The following DGKI variants were observed in gnomAD, a reference collection of about 807,000 sequenced individuals.
DGKI encodes diacylglycerol kinase iota.
In DGKI, 55 loss-of-function variants were observed where a neutral mutation model predicts 147.5. The observed-to-expected ratio is 0.37, with a 90% CI of 0.30 to 0.47. DGKI has a LOEUF of 0.47. Ranked by LOEUF, DGKI falls within the 20% of genes least tolerant of loss-of-function variation. DGKI has a pLI of 1.00. For missense variants in DGKI, 1,007 were observed against 1,323.8 expected (o/e 0.76, Z 3.71); for synonymous variants, 469 against 477.1 (o/e 0.98, Z 0.22).
intron 12 of DGKI, among the ~76,000 whole-genome samples, chr7:137,590,355 G>A (rs774019085): frequency 5.9e-5 from 9 of 152,152 alleles, no homozygotes; most frequent in African/African-American, 1.2e-4. Context: ...TGCTCAACCC[G>A]ACTTCCCAAA....
chr7:137,556,077 A>T (rs1228152523), intron 19 of DGKI, among the ~76,000 whole-genome samples: 4 of 152,182 alleles, frequency 2.6e-5, no homozygotes, highest in Non-Finnish European at 5.9e-5. Flanking sequence ...ATCAGAAAAT[A>T]CATCATTGTA....
At chr7:137,819,518 G>C (rs1346811252) in intron 1 of DGKI, among the ~76,000 whole-genome samples, 1 of 151,976 alleles carries the variant, frequency 6.6e-6, no homozygotes, top group Non-Finnish European at 1.5e-5. Flanking sequence ...CACCGTGTTA[G>C]CCAGGATGGT....
chr7:137,554,094 C>T (rs1030568631), intron 19 of DGKI, among the ~76,000 whole-genome samples: 31 of 152,262 alleles, frequency 2.0e-4, no homozygotes, highest in African/African-American at 5.3e-4. Context: ...CTGTCAATGC[C>T]GCCCCTACCG....
At chr7:137,533,791 CATTTT>C (rs1817424200) in intron 20 of DGKI, among the ~76,000 whole-genome samples, 1 of 151,884 alleles carries the variant, frequency 6.6e-6, no homozygotes, top group African/African-American at 2.4e-5. Flanking sequence ...ATGGTACTTT[CATTTT>C]ATTTTATTTA....
At chr7:137,766,223 A>G (rs1277424616) in intron 1 of DGKI, among the ~76,000 whole-genome samples, 1 of 152,244 alleles carries the variant, frequency 6.6e-6, no homozygotes, top group Non-Finnish European at 1.5e-5. Flanking sequence ...ATATCATGGG[A>G]TCCTCCAGCC....
chr7:137,724,089 T>G (rs989780136), intron 1 of DGKI, among the ~76,000 whole-genome samples: 3 of 151,856 alleles, frequency 2.0e-5, no homozygotes, highest in African/African-American at 7.3e-5. Flanking sequence ...AGAGAGACAG[T>G]CAATTGAATA....
chr7:137,697,559 C>T (rs1368894872), intron 1 of DGKI, among the ~76,000 whole-genome samples: 1 of 152,114 alleles, frequency 6.6e-6, no homozygotes, highest in Non-Finnish European at 1.5e-5. Context: ...AGATCTTAAC[C>T]TCTGTGGCAT....
chr7:137,495,043 A>G (rs1815910995), intron 21 of DGKI, among the ~76,000 whole-genome samples: 1 of 152,178 alleles, frequency 6.6e-6, no homozygotes, highest in Non-Finnish European at 1.5e-5. Context: ...AGATCAAAAA[A>G]GACAAAGAAC....
chr7:137,577,234 AT>A lies in DGKI; in HGVS notation c.1748del (p.His583LeufsTer18). 6.3e-7 allele frequency: 1 copy of A among 1,596,278 alleles called. No homozygotes were observed. The highest frequency in any genetic ancestry group is 8.6e-7 in the Non-Finnish European group (1 of 1,167,920). On this transcript the variant is annotated frameshift_variant, in exon 17 of 33. Transcript: ENST00000614521. LOFTEE classifies it high-confidence loss of function. ...LQRSSRDLSK[H>X]VKVVCDGTDL... ...ATTCAATACTTACAACAACTTTAAC[AT>A]GTTTGGATAGATCTCTAGAACTTCT...
intron 1 of DGKI, chr7:137,772,189 G>A (rs1201143832): frequency 6.6e-6 from 1 of 151,618 alleles, no homozygotes; most frequent in Admixed American, 6.6e-5. Context: ...TCATGACACA[G>A]AACTCTGTTG....
intron 3 of DGKI, among the ~76,000 whole-genome samples, chr7:137,669,094 G>T (rs770169353): frequency 7.2e-5 from 11 of 152,176 alleles, no homozygotes; most frequent in Non-Finnish European, 1.3e-4. Context: ...ACAACTCAAA[G>T]CCTGGAAATC....
At chr7:137,496,847 G>A (rs117617995) in intron 21 of DGKI, among the ~76,000 whole-genome samples, 5 of 151,978 alleles carry the variant, frequency 3.3e-5, no homozygotes, top group Non-Finnish European at 7.4e-5. Flanking sequence ...TAAAAACCCT[G>A]AATGATAACC....
intron 15 of DGKI, 92 bp downstream of exon 15, chr7:137,581,758 A>C: frequency 2.1e-5 from 22 of 1,033,690 alleles, no homozygotes; most frequent in South Asian, 2.8e-5. Context: ...GCACACTGTA[A>C]ACGCGTAAGT....
intron 19 of DGKI, among the ~76,000 whole-genome samples, chr7:137,557,414 C>G (rs1818261674): frequency 3.9e-5 from 6 of 151,984 alleles, no homozygotes; most frequent in Admixed American, 3.9e-4. Context: ...AGAATAGACT[C>G]AAAGATACGA....
intron 1 of DGKI, among the ~76,000 whole-genome samples, chr7:137,694,345 A>G (rs567936756): frequency 1.4e-3 from 207 of 151,904 alleles, no homozygotes; most frequent in African/African-American, 4.8e-3. Flanking sequence ...AAATTTATGG[A>G]AAACATGCAA....
chr7:137,684,566 G>T (rs779169033), intron 2 of DGKI, among the ~76,000 whole-genome samples: 1 of 152,124 alleles, frequency 6.6e-6, no homozygotes, highest in African/African-American at 2.4e-5. Flanking sequence ...AGAATTCCAT[G>T]ATTTCCCTCG....
intron 22 of DGKI, 53 bp from the exon 23 acceptor site, chr7:137,485,471 C>G: frequency 7.1e-7 from 1 of 1,412,332 alleles, no homozygotes. Context: ...TTTGAACAAG[C>G]TGCCCCACAA....
At chr7:137,572,461 G>A (rs530141463) in intron 18 of DGKI, among the ~76,000 whole-genome samples, 3 of 152,168 alleles carry the variant, frequency 2.0e-5, no homozygotes, top group Non-Finnish European at 2.9e-5. Flanking sequence ...CTTAGATGGG[G>A]AGGAAGAGGG....
intron 1 of DGKI, among the ~76,000 whole-genome samples, chr7:137,798,911 T>C (rs958951095): frequency 6.6e-6 from 1 of 152,162 alleles, no homozygotes; most frequent in African/African-American, 2.4e-5. Context: ...CATGATCATC[T>C]CAATAGACAT....
Sources: gnomAD v4.1 joint callset for allele counts (sites outside exome capture counted in the v4.1 genomes callset) on GRCh38, gnomAD v4.1.1 for gene constraint, MANE v1.5 for transcripts, NCBI Gene and HGNC (gene_info 2026-07-23, HGNC 2026-07-21) for gene names.